Variants in PCCA observed in about 807,000 individuals in gnomAD.
PCCA encodes the protein propionyl-CoA carboxylase alpha chain, mitochondrial.
PCCA carries 74 observed loss-of-function variants against 101.3 expected under a neutral mutation model. The observed-to-expected ratio is 0.73, with a 90% CI of 0.61 to 0.89. The LOEUF is 0.89. Among genes scored for constraint, PCCA ranks in the 40% least tolerant of loss-of-function variants. The pLI is 0.00. For missense variants in PCCA, 891 were observed against 907.0 expected, an observed-to-expected ratio of 0.98 and a Z score of 0.23; for synonymous variants, 294 against 313.6, an observed-to-expected ratio of 0.94 and a Z score of 0.66.
chr13:100,226,464 C>T (rs1224753859), intron 7 of PCCA, among the ~76,000 whole-genome samples: 10 of 152,014 alleles, frequency 6.6e-5, no homozygotes, highest in African/African-American at 2.4e-4. Context: ...GAATGGTGGT[C>T]GGCGTTGACA....
chr13:100,487,844 G>A (rs776524187), intron 21 of PCCA, among the ~76,000 whole-genome samples: 8 of 151,842 alleles, frequency 5.3e-5, no homozygotes, highest in Non-Finnish European at 8.8e-5. Context: ...TCCTATCTCA[G>A]TTCACTAAGC....
Position 100,307,907 on chromosome 13 carries a change from G to A in PCCA, c.1353+647G>A, listed in dbSNP as rs151161079. Among the ~76,000 whole-genome samples the A allele has an allele frequency of 9.9e-5, 15 of 152,238 alleles. No individual in the cohort carries two copies. In the East Asian group the frequency reaches 2.9e-3, roughly 29 times the overall value. ...GGAGTCTCGCTCTGTCCGCCAGCCT[G>A]GAGTGCAGTGGCACGATCTTGGCTC... On this transcript the variant is annotated intron_variant, in intron 15 of 23. Transcript: ENST00000376285.
intron 19 of PCCA, among the ~76,000 whole-genome samples, chr13:100,408,025 G>A (rs763121865): frequency 1.5e-4 from 23 of 152,220 alleles, no homozygotes; most frequent in South Asian, 4.1e-4. Context: ...GGTGGCGGGC[G>A]CCTGTTATCC....
Position 100,268,789 on chromosome 13 carries a change from T to G in PCCA, c.914+6T>G. On this transcript the variant is annotated splice_donor_region_variant and intron_variant, in intron 11 of 23. Transcript: ENST00000376285. ...GTGGTGGAGGAAGCACCAAGGTAAGTCTCCTAAGAAACATTTATAAAGCGG... is the reference window on the plus strand; with the variant it reads ...GTGGTGGAGGAAGCACCAAGGTAAGGCTCCTAAGAAACATTTATAAAGCGG... 6.2e-7 allele frequency: 1 copy of G among 1,602,650 alleles called. No homozygotes were observed. Among genetic ancestry groups the G allele is most frequent in the Non-Finnish European group, 8.6e-7 (1 of 1,169,508 alleles).
At chr13:100,182,427 A>G (rs373352366) in intron 6 of PCCA, among the ~76,000 whole-genome samples, 2 of 152,256 alleles carry the variant, frequency 1.3e-5, no homozygotes, top group East Asian at 3.9e-4. Flanking sequence ...GAAACCTAGT[A>G]CTTAAAGCAC....
intron 12 of PCCA, among the ~76,000 whole-genome samples, chr13:100,274,972 A>G (rs530422878): frequency 4.1e-5 from 6 of 146,332 alleles, no homozygotes; most frequent in Non-Finnish European, 7.5e-5. Flanking sequence ...AAGGGGTGGA[A>G]TAGGACAGGA....
chr13:100,192,904 C>T (rs962757942), intron 6 of PCCA, among the ~76,000 whole-genome samples: 5 of 151,978 alleles, frequency 3.3e-5, no homozygotes, highest in East Asian at 1.9e-4. Flanking sequence ...CTATTCTTAC[C>T]GTGTATTGTT....
intron 19 of PCCA, among the ~76,000 whole-genome samples, chr13:100,384,148 C>A (rs1182499961): frequency 6.6e-6 from 1 of 152,032 alleles, no homozygotes; most frequent in East Asian, 1.9e-4. Context: ...GGCTCAGCTT[C>A]CCGAGTAGCT....
intron 18 of PCCA, among the ~76,000 whole-genome samples, chr13:100,362,325 A>C (rs2074707536): frequency 6.6e-6 from 1 of 152,192 alleles, no homozygotes; most frequent in African/African-American, 2.4e-5. Context: ...GAAACAAAAG[A>C]GAGGGATTTC....
Position 100,273,379 on chromosome 13 carries a change from C to T in PCCA, c.1065+33C>T, listed in dbSNP as rs754255529. 2.3e-5 allele frequency: 36 copies of T among 1,555,416 alleles called. No homozygotes were observed. In the East Asian group the frequency reaches 5.2e-4, roughly 22 times the overall value. On this transcript the variant is annotated intron_variant, in intron 12 of 23. Transcript: ENST00000376285. Reference sequence around the variant, plus strand: ...CAACTGTTATTTATTCCTCTCCATGCCTCTGTACTTTACCCTTCCTTCTCC... The same window carrying T: ...CAACTGTTATTTATTCCTCTCCATGTCTCTGTACTTTACCCTTCCTTCTCC...
chr13:100,386,464 C>T (rs377307803), intron 19 of PCCA, among the ~76,000 whole-genome samples: 1 of 152,112 alleles, frequency 6.6e-6, no homozygotes, highest in Non-Finnish European at 1.5e-5. Context: ...TCACTGCAAG[C>T]TCTGCCTCCC....
chr13:100,277,388 T>C (rs2063741680), intron 12 of PCCA, among the ~76,000 whole-genome samples: 1 of 152,142 alleles, frequency 6.6e-6, no homozygotes, highest in Non-Finnish European at 1.5e-5. Flanking sequence ...AGTGTTGGGT[T>C]TGCAAATCTG....
At chr13:100,414,791 TAA>T (rs1256056464) in intron 19 of PCCA, among the ~76,000 whole-genome samples, 1 of 152,190 alleles carries the variant, frequency 6.6e-6, no homozygotes, top group East Asian at 1.9e-4. Context: ...ATTTGATATA[TAA>T]GTTAATAATC....
rs189977578 is a variant in PCCA, at chr13:100,225,294, C to G, written c.601-10548C>G. On this transcript the variant is annotated intron_variant, in intron 7 of 23. Transcript: ENST00000376285. ...GGAAGGATCATTGATGATTATTTTA[C>G]TGCATTTGGTTGTAATACCTATTAA... Among the ~76,000 whole-genome samples, 442 of 152,192 alleles carry G rather than the reference C, an allele frequency of 2.9e-3. 1 individual carries two copies. The highest frequency in any genetic ancestry group is 9.9e-3 in the African/African-American group (412 of 41,528).
intron 6 of PCCA, among the ~76,000 whole-genome samples, chr13:100,167,921 C>T (rs2055219774): frequency 1.3e-5 from 2 of 152,158 alleles, no homozygotes; most frequent in African/African-American, 2.4e-5. Context: ...CGCCCACCAC[C>T]ACAACTGGCT....
intron 19 of PCCA, among the ~76,000 whole-genome samples, chr13:100,387,991 C>G (rs753939114): frequency 2.6e-5 from 4 of 152,144 alleles, no homozygotes; most frequent in Non-Finnish European, 5.9e-5. Flanking sequence ...ATTAAGACTT[C>G]AAGTGATTTT....
At chr13:100,266,943 C>T in intron 10 of PCCA, among the ~76,000 whole-genome samples, 1 of 152,324 alleles carries the variant, frequency 6.6e-6, no homozygotes, top group East Asian at 1.9e-4. Context: ...TAAGGATTAA[C>T]TTCCCTTAAA....
intron 12 of PCCA, among the ~76,000 whole-genome samples, chr13:100,285,710 C>T (rs1283513643): frequency 6.6e-6 from 1 of 152,086 alleles, no homozygotes; most frequent in African/African-American, 2.4e-5. Flanking sequence ...CACTTTTCTC[C>T]CAGAGGATGG....
intron 6 of PCCA, among the ~76,000 whole-genome samples, chr13:100,202,306 G>A (rs2058571180): frequency 6.6e-6 from 1 of 152,124 alleles, no homozygotes; most frequent in East Asian, 1.9e-4. Context: ...TGCACTCCAG[G>A]CTGGGTAACA....
Sources: allele counts gnomAD v4.1 joint callset (sites outside exome capture counted in the v4.1 genomes callset), GRCh38; gene constraint gnomAD v4.1.1; transcripts MANE v1.5; gene names NCBI Gene and HGNC (gene_info 2026-07-23, HGNC 2026-07-21).